Variants in SOHLH2 observed in about 807,000 individuals in gnomAD.
SOHLH2 encodes spermatogenesis and oogenesis specific basic helix-loop-helix 2.
In SOHLH2, 22 loss-of-function variants were observed where a neutral mutation model predicts 50.4. The observed-to-expected ratio is 0.44, with a 90% CI of 0.31 to 0.62. SOHLH2 has a LOEUF of 0.62. Ranked by LOEUF, SOHLH2 falls within the 20% of genes least tolerant of loss-of-function variation. SOHLH2 has a pLI of 0.08. For missense variants in SOHLH2, 412 were observed against 504.4 expected (o/e 0.82, Z 1.76); for synonymous variants, 185 against 187.3 (o/e 0.99, Z 0.10).
chr13:36,188,755 C>A (rs1887495741), intron 6 of SOHLH2, among the ~76,000 whole-genome samples: 1 of 152,132 alleles, frequency 6.6e-6, no homozygotes, highest in Non-Finnish European at 1.5e-5. Flanking sequence ...GCTGCCTGTA[C>A]CTTAAATACT....
intron 1 of SOHLH2, among the ~76,000 whole-genome samples, chr13:36,202,457 G>C (rs772143807): frequency 1.3e-5 from 2 of 152,262 alleles, no homozygotes; most frequent in South Asian, 4.2e-4. Flanking sequence ...TTGCTGAAAG[G>C]ATCAAAGTCA....
chr13:36,174,628 C>A (rs997190840), intron 7 of SOHLH2, 61 bp from the exon 8 acceptor site: 9 of 1,603,272 alleles, frequency 5.6e-6, no homozygotes, highest in Non-Finnish European at 7.7e-6. Context: ...TACAAAGACA[C>A]ATACTTTCCA....
chr13:36,174,869 C>T lies in SOHLH2; in HGVS notation c.642G>A (p.Arg214=). The change falls in exon 7 of 11, where the codon AGG becomes AGA. Residue 214 remains arginine, a splice_region_variant and synonymous_variant. Coordinates refer to ENST00000379881, the MANE Select transcript of SOHLH2 (RefSeq NM_017826.3). ...LLHSSKEKLR[R]ERIKYCCEQL... Reference sequence around the variant, plus strand: ...GCTCACAGCAATATTTGATTCTTTCCCTGGACACAGAATTGCAATACATAA... The same window carrying T: ...GCTCACAGCAATATTTGATTCTTTCTCTGGACACAGAATTGCAATACATAA... The T allele has an allele frequency of 6.4e-7, 1 of 1,568,688 alleles. No individual in the cohort carries two copies. The highest frequency in any genetic ancestry group is 8.6e-7 in the Non-Finnish European group (1 of 1,164,594).
At chr13:36,180,516 G>A (rs1887222251) in intron 6 of SOHLH2, among the ~76,000 whole-genome samples, 1 of 151,296 alleles carries the variant, frequency 6.6e-6, no homozygotes, top group Non-Finnish European at 1.5e-5. Context: ...ATGCAGGTTT[G>A]TTACATAGCT....
chr13:36,189,790 G>C (rs1216529092), intron 6 of SOHLH2, among the ~76,000 whole-genome samples, 156 bp downstream of exon 6: 1 of 152,106 alleles, frequency 6.6e-6, no homozygotes, highest in African/African-American at 2.4e-5. Flanking sequence ...AACATTTATT[G>C]AATGACTACA....
chr13:36,177,207 C>T (rs1887118553), intron 6 of SOHLH2, among the ~76,000 whole-genome samples: 1 of 152,070 alleles, frequency 6.6e-6, no homozygotes, highest in South Asian at 2.1e-4. Flanking sequence ...TTTCACTCAG[C>T]TTTAATGTTT....
chr13:36,174,370 G>T (rs926992937), intron 8 of SOHLH2, 106 bp downstream of exon 8: 2 of 1,451,938 alleles, frequency 1.4e-6, no homozygotes, highest in East Asian at 2.3e-5. Context: ...CCCTTAATAA[G>T]CCCCTGCACT....
intron 1 of SOHLH2, among the ~76,000 whole-genome samples, chr13:36,213,738 G>C (rs74045242): frequency 0.011 from 1,674 of 152,228 alleles, 32 homozygotes; most frequent in African/African-American, 0.038. Context: ...AGCAGGTCCC[G>C]TTCCCACCAC....
intron 6 of SOHLH2, chr13:36,182,053 T>C (rs561914489): frequency 8.1e-6 from 8 of 982,764 alleles, no homozygotes; most frequent in East Asian, 1.1e-4. Context: ...CAATAGTATA[T>C]ATTTATTTGA....
intron 4 of SOHLH2, among the ~76,000 whole-genome samples, chr13:36,192,853 CT>C (rs1348492994): frequency 6.6e-6 from 1 of 152,172 alleles, no homozygotes; most frequent in Non-Finnish European, 1.5e-5. Flanking sequence ...TATAGTCACA[CT>C]GTGTATATTA....
At chr13:36,203,089 T>A (rs545594024) in intron 1 of SOHLH2, among the ~76,000 whole-genome samples, 64 of 152,314 alleles carry the variant, frequency 4.2e-4, no homozygotes, top group African/African-American at 1.5e-3. Flanking sequence ...TTTTATAAAA[T>A]AGTCAACCTT....
chr13:36,180,165 T>A (rs561587101), intron 6 of SOHLH2, among the ~76,000 whole-genome samples: 7 of 152,356 alleles, frequency 4.6e-5, no homozygotes, highest in African/African-American at 1.4e-4. Context: ...GGTTGTAGAA[T>A]CTACTGGCAT....
At chr13:36,203,495 C>T (rs552418621) in intron 1 of SOHLH2, among the ~76,000 whole-genome samples, 5 of 152,228 alleles carry the variant, frequency 3.3e-5, no homozygotes, top group South Asian at 2.1e-4. Context: ...GATGTTATTA[C>T]GGTGCCATGA....
At chr13:36,184,733 C>T (rs533653518) in intron 6 of SOHLH2, among the ~76,000 whole-genome samples, 9 of 152,282 alleles carry the variant, frequency 5.9e-5, no homozygotes, top group Non-Finnish European at 5.9e-5. Flanking sequence ...GCTGGGATTA[C>T]AGGCGTGAGC....
At chr13:36,210,455 G>A (rs17053648) in intron 1 of SOHLH2, among the ~76,000 whole-genome samples, 5,268 of 150,672 alleles carry the variant, frequency 0.035, 115 homozygotes, top group South Asian at 0.11. Flanking sequence ...TTTTTTTAAC[G>A]TTCAGAGAGA....
chr13:36,187,336 T>G (rs190657943), intron 6 of SOHLH2, among the ~76,000 whole-genome samples: 36 of 152,262 alleles, frequency 2.4e-4, no homozygotes, highest in Middle Eastern at 3.4e-3. Flanking sequence ...ATCATTTCAT[T>G]ATAATCATTT....
chr13:36,188,454 T>C (rs1383588153), intron 6 of SOHLH2, among the ~76,000 whole-genome samples: 1 of 152,226 alleles, frequency 6.6e-6, no homozygotes, highest in Non-Finnish European at 1.5e-5. Flanking sequence ...TTGTAAATAC[T>C]TCACACCTTC....
At position 36,174,532 on chromosome 13, in the gene SOHLH2, A is replaced by T; in HGVS notation, c.825T>A (p.Cys275Ter). 1 of 1,614,226 alleles carries T rather than the reference A, an allele frequency of 6.2e-7. No individual in the cohort carries two copies. The highest frequency in any genetic ancestry group is 8.5e-7 in the Non-Finnish European group (1 of 1,180,040). Residue 275 changes from cysteine to a stop codon, truncating the protein, a stop_gained, in exon 8 of 11, where the codon TGT (cysteine) becomes TGA (stop). Transcript: ENST00000379881. LOFTEE classifies it high-confidence loss of function. The part of the protein sequence containing the change: ...TEALQSNMRF[C>*]KKQQTPIELS... ...GCTCAATGGGTGTTTGTTGTTTCTT[A>T]CAAAACCTCATGTTGCTCTGAAGTG...
In SOHLH2 at chr13:36,191,889, T is replaced by C. The variant is rs1260020670; in HGVS notation, c.436A>G (p.Thr146Ala). 6.2e-7 allele frequency: 1 copy of C among 1,613,784 alleles called. No homozygotes were observed. Among genetic ancestry groups the C allele is most frequent in the African/African-American group, 1.3e-5 (1 of 74,928 alleles). The change falls in exon 5 of 11, where the codon ACT becomes GCT. Residue 146 changes from threonine (T) to alanine (A), a missense_variant. Coordinates refer to ENST00000379881, the MANE Select transcript of SOHLH2 (RefSeq NM_017826.3). ...WTTCPSNTVK[T>A]ENATGPEELG... ...TCTTCAGGCCCAGTTGCGTTTTCAG[T>C]CTTAACTGAAAGTTTTGAGAGGGGA...
Sources: gnomAD v4.1 joint callset for allele counts (sites outside exome capture counted in the v4.1 genomes callset) on GRCh38, gnomAD v4.1.1 for gene constraint, MANE v1.5 for transcripts, NCBI Gene and HGNC (gene_info 2026-07-23, HGNC 2026-07-21) for gene names.